Variants in RBFOX1 observed in about 807,000 individuals in gnomAD.
RBFOX1 encodes the protein RNA binding fox-1 homolog 1, also known as RNA binding protein fox-1 homolog 1.
A neutral mutation model predicts 57.7 loss-of-function variants in RBFOX1; 8 were observed. The ratio of observed to expected loss-of-function variants is 0.14; its 90% CI spans 0.08 to 0.25. The LOEUF (loss-of-function observed/expected upper bound fraction) is 0.25, where lower values mean the gene tolerates loss of function less well. Ranked by LOEUF, RBFOX1 falls within the 10% of genes least tolerant of loss-of-function variation. The probability of loss-of-function intolerance (pLI) is 1.00; values close to 1 mark genes in which losing one functional copy is unlikely to be tolerated. For synonymous variants in RBFOX1, 326 were observed against 222.4 expected (o/e 1.47, Z -4.15); for missense variants, 611 against 548.5 (o/e 1.11, Z -1.14).
chr16:7,709,628 A>G (rs2083595992), intron 15 of RBFOX1: 3 of 1,531,316 alleles, frequency 2.0e-6, no homozygotes, highest in Non-Finnish European at 2.6e-6. Flanking sequence ...ATAGTCGCCC[A>G]GGAAAGAAAA....
chr16:7,271,055 C>T (rs899943639), intron 4 of RBFOX1, among the ~76,000 whole-genome samples: 1 of 152,104 alleles, frequency 6.6e-6, no homozygotes, highest in African/African-American at 2.4e-5. Flanking sequence ...TCTTATTTTG[C>T]TGCATTGCCT....
intron 3 of RBFOX1, among the ~76,000 whole-genome samples, chr16:5,669,482 C>A (rs576050388): frequency 6.8e-6 from 1 of 146,936 alleles, no homozygotes; most frequent in African/African-American, 2.5e-5. Context: ...TGCAGTGGCA[C>A]TATCTTGGCT....
intron 2 of RBFOX1, among the ~76,000 whole-genome samples, chr16:6,354,981 A>G (rs561540731): frequency 3.9e-5 from 6 of 152,262 alleles, no homozygotes; most frequent in African/African-American, 1.2e-4. Flanking sequence ...GTTGCAGGTT[A>G]TTACAGGTTT....
chr16:5,835,023 T>C (rs1369391460), intron 3 of RBFOX1, among the ~76,000 whole-genome samples: 1 of 152,208 alleles, frequency 6.6e-6, no homozygotes, highest in Non-Finnish European at 1.5e-5. Context: ...TGGCCGTTTT[T>C]TAAGTCAGTA....
At chr16:5,557,932 C>G (rs906834638) in intron 2 of RBFOX1, among the ~76,000 whole-genome samples, 4 of 152,134 alleles carry the variant, frequency 2.6e-5, no homozygotes, top group Non-Finnish European at 4.4e-5. Flanking sequence ...AGTGGAACAA[C>G]GTGGCAGAGA....
intron 4 of RBFOX1, among the ~76,000 whole-genome samples, chr16:7,369,184 C>G (rs968674844): frequency 1.3e-5 from 2 of 152,014 alleles, no homozygotes; most frequent in Non-Finnish European, 2.9e-5. Flanking sequence ...GAGATTGACT[C>G]CAAGTCTTGC....
At chr16:5,410,047 C>CAAA (rs57923211) in intron 1 of RBFOX1, among the ~76,000 whole-genome samples, 1 of 114,816 alleles carries the variant, frequency 8.7e-6, no homozygotes, top group Non-Finnish European at 1.9e-5. Flanking sequence ...GACTCCATCT[C>CAAA]AAAAAAAAAA....
At chr16:6,243,773 G>T (rs541103620) in intron 1 of RBFOX1, among the ~76,000 whole-genome samples, 1 of 152,280 alleles carries the variant, frequency 6.6e-6, no homozygotes, top group East Asian at 1.9e-4. Flanking sequence ...GGTTTGGTTG[G>T]TAGGAGTTGT....
intron 4 of RBFOX1, among the ~76,000 whole-genome samples, chr16:7,197,082 A>C (rs1168456978): frequency 6.6e-6 from 1 of 152,172 alleles, no homozygotes; most frequent in Non-Finnish European, 1.5e-5. Flanking sequence ...ACCTGAACAC[A>C]TGTATTACTC....
intron 1 of RBFOX1, among the ~76,000 whole-genome samples, chr16:5,326,718 T>A (rs1212742423): frequency 6.6e-6 from 1 of 152,220 alleles, no homozygotes; most frequent in Admixed American, 6.5e-5. Context: ...CGGTGGCTGT[T>A]AATTCAAAAC....
chr16:6,923,470 A>C (rs2074931544), intron 3 of RBFOX1, among the ~76,000 whole-genome samples: 1 of 152,078 alleles, frequency 6.6e-6, no homozygotes, highest in South Asian at 2.1e-4. Flanking sequence ...GAGGTGGAGG[A>C]GGCAGTGAGC....
chr16:6,692,615 G>A (rs1193982481), intron 3 of RBFOX1, among the ~76,000 whole-genome samples: 2 of 141,168 alleles, frequency 1.4e-5, no homozygotes, highest in African/African-American at 2.6e-5. Context: ...CTTCCACCAT[G>A]CACTTTTCCA....
At chr16:5,701,677 G>A (rs201617189) in intron 3 of RBFOX1, among the ~76,000 whole-genome samples, 6 of 152,030 alleles carry the variant, frequency 3.9e-5, no homozygotes, top group Non-Finnish European at 1.5e-5. Flanking sequence ...AAAACAATCC[G>A]CCTGCCTTAG....
intron 2 of RBFOX1, among the ~76,000 whole-genome samples, chr16:6,585,839 T>C (rs1286585187): frequency 1.3e-5 from 2 of 152,176 alleles, no homozygotes; most frequent in African/African-American, 4.8e-5. Context: ...TGCATTAAAA[T>C]GGATAATTTT....
At chr16:6,863,053 T>C (rs569753812) in intron 3 of RBFOX1, among the ~76,000 whole-genome samples, 26 of 151,942 alleles carry the variant, frequency 1.7e-4, no homozygotes, top group South Asian at 8.3e-4. Flanking sequence ...CTAAGGTGTT[T>C]GGTACATTAT....
chr16:6,210,270 A>G (rs1598390254), intron 1 of RBFOX1, among the ~76,000 whole-genome samples: 2 of 149,184 alleles, frequency 1.3e-5, no homozygotes, highest in African/African-American at 4.9e-5. Context: ...GTAAGCTGAG[A>G]TCACGCATTG....
Position 6,893,798 on chromosome 16 carries a change from C to G in RBFOX1, c.-15-158259C>G, listed in dbSNP as rs532748065. ...GGTGAGAAGTATTCTTTCAAGGTAT[C>G]TAAAACTTATAATCACTAATAAAAA... On this transcript the variant is annotated intron_variant, in intron 3 of 15. Coordinates refer to ENST00000550418, the MANE Select transcript of RBFOX1 (RefSeq NM_018723.4). Among the ~76,000 whole-genome samples the G allele has an allele frequency of 5.3e-5, 8 of 152,254 alleles. No homozygotes were observed. The East Asian group carries it at 1.2e-3, about 22-fold the overall frequency.
intron 3 of RBFOX1, among the ~76,000 whole-genome samples, chr16:6,771,424 C>A (rs1380372505): frequency 6.6e-6 from 1 of 152,130 alleles, no homozygotes; most frequent in Non-Finnish European, 1.5e-5. Flanking sequence ...TAATACACTT[C>A]TGCTCCTGTC....
At chr16:5,495,406 A>G (rs2042970355) in intron 2 of RBFOX1, among the ~76,000 whole-genome samples, 1 of 152,214 alleles carries the variant, frequency 6.6e-6, no homozygotes, top group South Asian at 2.1e-4. Context: ...GCTCACTGTC[A>G]TGGTAACAGC....
Sources: allele counts gnomAD v4.1 joint callset (sites outside exome capture counted in the v4.1 genomes callset), GRCh38; gene constraint gnomAD v4.1.1; transcripts MANE v1.5; gene names NCBI Gene and HGNC (gene_info 2026-07-23, HGNC 2026-07-21).